Variants in RPH3A observed in about 807,000 individuals in gnomAD.
RPH3A encodes the protein rabphilin 3A, also known as rabphilin-3A.
A neutral mutation model predicts 102.2 loss-of-function variants in RPH3A; 48 were observed. The observed-to-expected ratio is 0.47, with a 90% CI of 0.37 to 0.60. RPH3A has a LOEUF of 0.60. Among genes scored for constraint, RPH3A ranks in the 20% least tolerant of loss-of-function variants. The pLI is 0.00. For missense variants in RPH3A, 781 were observed against 910.1 expected, an observed-to-expected ratio of 0.86 and a Z score of 1.83; for synonymous variants, 310 against 324.3, an observed-to-expected ratio of 0.96 and a Z score of 0.47.
chr12:112,767,195 A>G (rs902993894), intron 1 of RPH3A, among the ~76,000 whole-genome samples: 1 of 152,210 alleles, frequency 6.6e-6, no homozygotes, highest in Admixed American at 6.5e-5. Flanking sequence ...TTTTAAGGGC[A>G]GGGACCATGT....
chr12:112,582,614 CTTTTTTTT>C (rs1263270263), intron 1 of RPH3A, among the ~76,000 whole-genome samples: 2 of 116,362 alleles, frequency 1.7e-5, no homozygotes, highest in Non-Finnish European at 3.6e-5. Flanking sequence ...GTCCAGCTAG[CTTTTTTTT>C]TTTTTTTTTT....
intron 1 of RPH3A, among the ~76,000 whole-genome samples, chr12:112,597,779 C>A (rs918864282): frequency 6.6e-6 from 1 of 152,094 alleles, no homozygotes; most frequent in Non-Finnish European, 1.5e-5. Context: ...TTAACTGAGA[C>A]TCTATAGAAG....
chr12:112,823,682 A>G (rs780170365), intron 2 of RPH3A, among the ~76,000 whole-genome samples: 2 of 152,150 alleles, frequency 1.3e-5, no homozygotes, highest in African/African-American at 2.4e-5. Flanking sequence ...TCTTGTATCC[A>G]TGGTTGGTTT....
chr12:112,605,300 G>A (rs1238625331), intron 1 of RPH3A, among the ~76,000 whole-genome samples: 2 of 152,122 alleles, frequency 1.3e-5, no homozygotes, highest in Non-Finnish European at 2.9e-5. Context: ...GCTTGAATCC[G>A]GGAGGCAGAG....
intron 10 of RPH3A, among the ~76,000 whole-genome samples, 194 bp downstream of exon 10, chr12:112,870,233 CATCCATA>C (rs1339141556): frequency 6.7e-6 from 1 of 148,308 alleles, no homozygotes; most frequent in Non-Finnish European, 1.5e-5. Flanking sequence ...TGGCTCTAGA[CATCCATA>C]ATTTTGGTTA....
intron 17 of RPH3A, among the ~76,000 whole-genome samples, chr12:112,888,751 C>T (rs931690064): frequency 5.3e-5 from 8 of 152,206 alleles, no homozygotes; most frequent in African/African-American, 1.9e-4. Flanking sequence ...AATGGGGTTG[C>T]ACCTCAGAAT....
At chr12:112,705,042 G>C (rs945526344) in intron 1 of RPH3A, among the ~76,000 whole-genome samples, 1 of 152,190 alleles carries the variant, frequency 6.6e-6, no homozygotes, top group Non-Finnish European at 1.5e-5. Flanking sequence ...CTGGTATGGA[G>C]GCTCTATGTG....
chr12:112,828,397 G>A lies in RPH3A; in HGVS notation c.71+8G>A, dbSNP rs758762988. 6.3e-7 allele frequency: 1 copy of A among 1,599,654 alleles called. No individual in the cohort carries two copies. The highest frequency in any genetic ancestry group is 1.1e-5 in the South Asian group (1 of 88,538). On this transcript the variant is annotated splice_region_variant and intron_variant, in intron 3 of 21. Transcript: ENST00000389385. ...CCGGCCCCTTCAATCAAAGTAAGTTGCTGCATCTTCCTGGGAGTGGCTTGT... is the reference window on the plus strand; with the variant it reads ...CCGGCCCCTTCAATCAAAGTAAGTTACTGCATCTTCCTGGGAGTGGCTTGT...
intron 1 of RPH3A, among the ~76,000 whole-genome samples, chr12:112,635,271 T>G (rs1023979334): frequency 1.3e-5 from 2 of 152,208 alleles, no homozygotes; most frequent in Admixed American, 1.3e-4. Context: ...GGGCTGTTGT[T>G]TGGTATTCCA....
At chr12:112,820,634 A>G (rs2041761105) in intron 2 of RPH3A, among the ~76,000 whole-genome samples, 1 of 152,212 alleles carries the variant, frequency 6.6e-6, no homozygotes, top group African/African-American at 2.4e-5. Context: ...ATTATGATGA[A>G]GTAGGTAGTG....
At chr12:112,643,559 G>A (rs1041795188) in intron 1 of RPH3A, among the ~76,000 whole-genome samples, 2 of 152,236 alleles carry the variant, frequency 1.3e-5, no homozygotes, top group Non-Finnish European at 2.9e-5. Flanking sequence ...GCTACATGGG[G>A]CTTAAAATCC....
At chr12:112,881,484 G>A (rs2042910559) in intron 14 of RPH3A, among the ~76,000 whole-genome samples, 1 of 152,212 alleles carries the variant, frequency 6.6e-6, no homozygotes, top group South Asian at 2.1e-4. Context: ...CATGAAGCGG[G>A]TACTGTTCTT....
At chr12:112,576,493 A>G (rs117748100) in intron 1 of RPH3A, among the ~76,000 whole-genome samples, 4,068 of 152,288 alleles carry the variant, frequency 0.027, 64 homozygotes, top group Non-Finnish European at 0.03. Context: ...TGCTGGTATT[A>G]CAAGCTTCAG....
intron 4 of RPH3A, among the ~76,000 whole-genome samples, chr12:112,846,739 C>CA: frequency 6.6e-6 from 1 of 152,334 alleles, no homozygotes; most frequent in East Asian, 1.9e-4. Flanking sequence ...TGATGCATCT[C>CA]AGAGCCTTGG....
chr12:112,783,261 T>A (rs1422962565), intron 1 of RPH3A, among the ~76,000 whole-genome samples: 1 of 152,000 alleles, frequency 6.6e-6, no homozygotes, highest in Non-Finnish European at 1.5e-5. Flanking sequence ...AGTGCTGGAG[T>A]AGGGAAGAAG....
chr12:112,688,679 A>G (rs1227814444), intron 1 of RPH3A, among the ~76,000 whole-genome samples: 2 of 152,198 alleles, frequency 1.3e-5, no homozygotes, highest in African/African-American at 4.8e-5. Flanking sequence ...TTTTATCTGT[A>G]TGGACTTATT....
intron 1 of RPH3A, among the ~76,000 whole-genome samples, chr12:112,683,508 A>G (rs2040240935): frequency 6.6e-6 from 1 of 152,184 alleles, no homozygotes; most frequent in Non-Finnish European, 1.5e-5. Context: ...TATCTGGCAG[A>G]TGATTCCAAG....
chr12:112,637,067 C>CT (rs1208864688), intron 1 of RPH3A, among the ~76,000 whole-genome samples: 2 of 152,086 alleles, frequency 1.3e-5, no homozygotes, highest in Non-Finnish European at 2.9e-5. Context: ...ATCTCCTCAA[C>CT]TCACTCCTTC....
chr12:112,746,531 A>G (rs1176139123), intron 1 of RPH3A, among the ~76,000 whole-genome samples: 2 of 152,152 alleles, frequency 1.3e-5, no homozygotes, highest in Non-Finnish European at 2.9e-5. Context: ...CAGGCTAATT[A>G]ACGATGCCCT....
Sources: allele counts gnomAD v4.1 joint callset (sites outside exome capture counted in the v4.1 genomes callset), GRCh38; gene constraint gnomAD v4.1.1; transcripts MANE v1.5; gene names NCBI Gene and HGNC (gene_info 2026-07-23, HGNC 2026-07-21).